Variants in CDKL5 observed in about 807,000 individuals in gnomAD.
The protein encoded by CDKL5 is cyclin-dependent kinase-like 5.
CDKL5 carries 8 observed loss-of-function variants against 61.7 expected under a neutral mutation model. The ratio of observed to expected loss-of-function variants is 0.13; its 90% confidence interval spans 0.08 to 0.23. The LOEUF is 0.23. CDKL5 is among the 10% of genes least tolerant of loss of function. The pLI, the probability that CDKL5 is intolerant of heterozygous loss-of-function variation, is 1.00. For synonymous variants in CDKL5, 275 were observed against 272.3 expected (o/e 1.01, Z -0.10); for missense variants, 440 against 734.5 (o/e 0.60, Z 4.63).
In CDKL5 at chrX:18,646,031, A is replaced by G. The variant is rs773644857; in HGVS notation, c.2738A>G (p.Gln913Arg). Residue 913 changes from glutamine to arginine, a missense_variant, in exon 20 of 22, where the codon CAG (glutamine) becomes CGG (arginine). By Grantham distance (43) the Gln-to-Arg change is conservative. Transcript: ENST00000379989. The stretch of plus-strand genomic sequence containing the variant: ...GACGGTGGATGTGATGGCAGAAGAC[A>G]GAGACACCATTCTGGACCCCAAGAT... The G allele has an allele frequency of 1.6e-6, 2 of 1,212,296 alleles. No homozygotes were observed. Among genetic ancestry groups the G allele is most frequent in the Non-Finnish European group, 2.2e-6 (2 of 895,623 alleles).
intron 1 of CDKL5, among the ~76,000 whole-genome samples, chrX:18,484,297 T>C (rs1921700768): frequency 9.0e-6 from 1 of 111,463 alleles, no homozygotes; most frequent in Non-Finnish European, 1.9e-5. Context: ...TTAGATACTG[T>C]TATAAATATG....
chrX:18,551,636 A>C (rs1227788460), intron 3 of CDKL5, among the ~76,000 whole-genome samples: 1 of 103,145 alleles, frequency 9.7e-6, no homozygotes, highest in Non-Finnish European at 2.0e-5. Context: ...CTCAGGCTGG[A>C]GCACAGTTGC....
At chrX:18,507,709 G>A (rs921376882) in intron 2 of CDKL5, among the ~76,000 whole-genome samples, 30 of 110,844 alleles carry the variant, frequency 2.7e-4, no homozygotes, top group African/African-American at 7.2e-4. Flanking sequence ...GATTACAGGC[G>A]TGAGCCACTG....
intron 21 of CDKL5, among the ~76,000 whole-genome samples, chrX:18,651,951 C>T (rs1173893394): frequency 2.7e-5 from 3 of 110,586 alleles, no homozygotes; most frequent in Non-Finnish European, 5.7e-5. Flanking sequence ...CACACCCCTC[C>T]GCCTGGCCCC....
chrX:18,434,390 T>G (rs906263517), intron 1 of CDKL5, among the ~76,000 whole-genome samples: 3 of 111,390 alleles, frequency 2.7e-5, no homozygotes, highest in Non-Finnish European at 5.6e-5. Flanking sequence ...TGTCTGGATT[T>G]TTAATGGCAA....
intron 1 of CDKL5, among the ~76,000 whole-genome samples, chrX:18,485,353 G>T (rs1921753279): frequency 9.0e-6 from 1 of 111,330 alleles, no homozygotes; most frequent in East Asian, 2.8e-4. Context: ...ACTAGTGTCT[G>T]CCCTAACTCT....
At chrX:18,582,050 G>T in intron 7 of CDKL5, 100 bp downstream of exon 7, 1 of 644,535 alleles carries the variant, frequency 1.6e-6, no homozygotes, top group South Asian at 2.5e-5. Flanking sequence ...GTTATGTTTT[G>T]ACTTAAATTG....
intron 21 of CDKL5, among the ~76,000 whole-genome samples, chrX:18,651,459 C>A (rs760239918): frequency 1.8e-5 from 2 of 110,931 alleles, no homozygotes; most frequent in South Asian, 7.6e-4. Context: ...AGGGCCTGAG[C>A]GCAGCAGAGA....
Position 18,579,749 on chromosome X carries a change from C to A in CDKL5, c.283-99C>A, listed in dbSNP as rs4825261. On this transcript the variant is annotated intron_variant, in intron 5 of 17. Coordinates refer to ENST00000623535, the MANE Select transcript of CDKL5 (RefSeq NM_001323289.2). ...AGCAAAACAATTAAAAAAAAAAGCT[C>A]TGTATTGGATGAATTATTCTAGATG... 0.31 allele frequency: 245,335 copies of A among 781,995 alleles called. 28,867 individuals are homozygous for A. Among genetic ancestry groups the A allele is most frequent in the Admixed American group, 0.5 (18,938 of 38,136 alleles). 64.4% of individuals were successfully genotyped at this position (781,995 alleles called of 1,213,427 possible).
At chrX:18,573,562 C>G (rs1325963685) in intron 4 of CDKL5, among the ~76,000 whole-genome samples, 2 of 112,299 alleles carry the variant, frequency 1.8e-5, no homozygotes, top group Non-Finnish European at 3.8e-5. Flanking sequence ...TCAGACATTC[C>G]CCCACTGCCA....
At chrX:18,527,188 T>C (rs1923476786) in intron 3 of CDKL5, among the ~76,000 whole-genome samples, 1 of 112,068 alleles carries the variant, frequency 8.9e-6, no homozygotes. Flanking sequence ...ATGAGAGGTA[T>C]TGGTCTGTAG....
At chrX:18,509,179 GAGACTGTCTCAAAACACGCACA>G in intron 2 of CDKL5, among the ~76,000 whole-genome samples, 1 of 87,052 alleles carries the variant, frequency 1.1e-5, no homozygotes, top group African/African-American at 4.4e-5. Context: ...ATGAGAGAGC[GAGACTGTCTCAAAACACGCACA>G]CACACACACA....
At chrX:18,594,589 A>G (rs1925929901) in intron 9 of CDKL5, among the ~76,000 whole-genome samples, 1 of 111,784 alleles carries the variant, frequency 8.9e-6, no homozygotes, top group Non-Finnish European at 1.9e-5. Context: ...AGTAAATGGT[A>G]TGTTGTTGTT....
chrX:18,479,970 A>G (rs546369806), intron 1 of CDKL5, among the ~76,000 whole-genome samples: 2 of 112,226 alleles, frequency 1.8e-5, no homozygotes, highest in African/African-American at 6.5e-5. Flanking sequence ...GAGAGTTTCC[A>G]TGTACCCCAC....
intron 3 of CDKL5, among the ~76,000 whole-genome samples, chrX:18,549,931 C>T (rs769007671): frequency 9.0e-6 from 1 of 111,654 alleles, no homozygotes; most frequent in South Asian, 3.8e-4. Flanking sequence ...GTAAAGAGGA[C>T]TGCCAGGCCT....
chrX:18,516,200 A>G (rs761845194), intron 3 of CDKL5, among the ~76,000 whole-genome samples: 2 of 110,374 alleles, frequency 1.8e-5, no homozygotes, highest in African/African-American at 3.3e-5. Context: ...CATGTTGGCC[A>G]TGCTGGTCTT....
chrX:18,569,768 C>T (rs973818785), intron 4 of CDKL5, among the ~76,000 whole-genome samples: 2 of 110,673 alleles, frequency 1.8e-5, no homozygotes, highest in African/African-American at 6.6e-5. Context: ...TCCATCTTTC[C>T]TTAAATGTAA....
intron 1 of CDKL5, among the ~76,000 whole-genome samples, chrX:18,449,277 T>A (rs1025188818): frequency 1.5e-4 from 17 of 112,414 alleles, no homozygotes; most frequent in Non-Finnish European, 2.6e-4. Flanking sequence ...CTGGATTAAT[T>A]TTTTATTTCT....
At chrX:18,547,388 A>G (rs917494754) in intron 3 of CDKL5, among the ~76,000 whole-genome samples, 19 of 112,153 alleles carry the variant, frequency 1.7e-4, no homozygotes. Context: ...CCTCTGATTA[A>G]CAGCTGTGAA....
Sources: gnomAD v4.1 joint callset for allele counts (sites outside exome capture counted in the v4.1 genomes callset) on GRCh38, gnomAD v4.1.1 for gene constraint, MANE v1.5 for transcripts, NCBI Gene and HGNC (gene_info 2026-07-23, HGNC 2026-07-21) for gene names.